Variants in MORN4 observed in about 807,000 individuals in gnomAD.
MORN4 encodes the protein MORN repeat containing 4.
A neutral mutation model predicts 16.4 loss-of-function variants in MORN4; 8 were observed. The ratio of observed to expected loss-of-function variants is 0.49; its 90% CI spans 0.29 to 0.88. MORN4 has a LOEUF of 0.88. MORN4 is among the 40% of genes least tolerant of loss of function. The probability of loss-of-function intolerance (pLI) is 0.09; values close to 1 mark genes in which losing one functional copy is unlikely to be tolerated. For synonymous variants in MORN4, 53 were observed against 68.9 expected (o/e 0.77, Z 1.14); for missense variants, 159 against 182.9 (o/e 0.87, Z 0.75).
chr10:97,623,635 T>C (rs944526222), intron 1 of MORN4, among the ~76,000 whole-genome samples: 7 of 152,060 alleles, frequency 4.6e-5, no homozygotes, highest in African/African-American at 1.7e-4. Flanking sequence ...CTTGAACTCC[T>C]AGGTTCAAGA....
intron 1 of MORN4, among the ~76,000 whole-genome samples, chr10:97,631,771 A>G (rs961451869): frequency 6.6e-6 from 1 of 152,042 alleles, no homozygotes; most frequent in African/African-American, 2.4e-5. Context: ...TCATCTCTAC[A>G]AAACAATACA....
In MORN4 at chr10:97,620,229, G is replaced by A. The variant is rs567120252; in HGVS notation, c.-30-546C>T. On this transcript the variant is annotated intron_variant, in intron 1 of 4. Transcript: ENST00000307450. ...AGGCCAGGGGCAGTGGCTCACGCCTGTAATCCCAACACTTTGGGAGGCCGA... is the reference window on the plus strand; with the variant it reads ...AGGCCAGGGGCAGTGGCTCACGCCTATAATCCCAACACTTTGGGAGGCCGA... Among the ~76,000 whole-genome samples, 17 of 152,116 alleles carry A rather than the reference G, an allele frequency of 1.1e-4. No homozygotes were observed. The South Asian group carries it at 2.5e-3, about 22-fold the overall frequency.
At chr10:97,622,947 C>T (rs1376933670) in intron 1 of MORN4, among the ~76,000 whole-genome samples, 1 of 151,242 alleles carries the variant, frequency 6.6e-6, no homozygotes, top group Non-Finnish European at 1.5e-5. Context: ...CACGGTGGCA[C>T]GATCATAGCT....
rs1477402842 is a variant in MORN4 at position 97,616,052 on chromosome 10, A to G, written c.*211T>C. On this transcript the variant is annotated 3_prime_UTR_variant, in exon 5 of 5. Transcript: ENST00000307450. ...CACATAAGGGTTAGGGAAAGACAGA[A>G]CCACCAATGACTGCTGCAGGGTCTG... is the stretch of plus-strand genomic sequence containing the variant. 2 of 434,396 alleles carry G rather than the reference A, an allele frequency of 4.6e-6. No individual in the cohort carries two copies. The highest frequency in any genetic ancestry group is 8.0e-6 in the Non-Finnish European group (2 of 248,788). The allele number at this position is 434,396 out of a possible 1,614,324, so 26.9% of individuals were successfully genotyped here.
At chr10:97,626,089 A>G (rs1380066860) in intron 1 of MORN4, among the ~76,000 whole-genome samples, 1 of 147,732 alleles carries the variant, frequency 6.8e-6, no homozygotes, top group African/African-American at 2.5e-5. Flanking sequence ...TTTTTTAAAG[A>G]GAACAAGCGG....
At chr10:97,620,447 C>G (rs948892057) in intron 1 of MORN4, among the ~76,000 whole-genome samples, 1 of 136,110 alleles carries the variant, frequency 7.3e-6, no homozygotes, top group African/African-American at 2.9e-5. Flanking sequence ...GAGATCACAC[C>G]ACTGTTACTC....
rs1199604043 is a variant in MORN4, at chr10:97,615,058, G to GAT, written c.*1203_*1204dup. ...TACTGTTTACATGAGTTTTTTTCTT[G>GAT]ATTGTCCCAAAAAGGGATCCTGTTC... On this transcript the variant is annotated 3_prime_UTR_variant, in exon 5 of 5. Transcript: ENST00000307450. 3 of 152,384 alleles carry GAT rather than the reference G, an allele frequency of 2.0e-5. No homozygotes were observed. Among genetic ancestry groups the GAT allele is most frequent in the Non-Finnish European group, 2.9e-5 (2 of 67,988 alleles). The allele number at this position is 152,384 out of a possible 1,614,324, so 9.4% of individuals were successfully genotyped here.
chr10:97,627,178 C>G (rs1219660148), intron 1 of MORN4, among the ~76,000 whole-genome samples: 1 of 152,010 alleles, frequency 6.6e-6, no homozygotes, highest in Non-Finnish European at 1.5e-5. Context: ...CACTCTCACT[C>G]TGTCACCCAG....
chr10:97,632,956 G>T (rs2041409691), intron 1 of MORN4, among the ~76,000 whole-genome samples: 1 of 152,046 alleles, frequency 6.6e-6, no homozygotes, highest in African/African-American at 2.4e-5. Flanking sequence ...TGAGATAAAG[G>T]CGGGCTCAGG....
At chr10:97,618,692 C>T (rs566181027) in intron 2 of MORN4, among the ~76,000 whole-genome samples, 50 of 152,126 alleles carry the variant, frequency 3.3e-4, no homozygotes, top group African/African-American at 1.1e-3. Context: ...AGAGAGTAAG[C>T]ACAGCCCTGT....
intron 1 of MORN4, among the ~76,000 whole-genome samples, chr10:97,620,488 CAAAAAAAAAAAAA>C (rs1210683127): frequency 2.4e-5 from 1 of 41,214 alleles, no homozygotes; most frequent in South Asian, 8.8e-4. Context: ...GACTCTGTCT[CAAAAAAAAAAAAA>C]AAAAAAGAAA....
At chr10:97,618,179 A>AAAATAAATAAAT (rs541560176) in intron 2 of MORN4, among the ~76,000 whole-genome samples, 1 of 151,876 alleles carries the variant, frequency 6.6e-6, no homozygotes, top group South Asian at 2.1e-4. Context: ...ACTCCATCTC[A>AAAATAAATAAAT]AAATAAATAA....
At chr10:97,633,793 C>A (rs1296877456), upstream of MORN4, among the ~76,000 whole-genome samples, 2 of 152,238 alleles carry the variant, frequency 1.3e-5, no homozygotes, top group Non-Finnish European at 2.9e-5. The surrounding 1 kb of genome is among the most constrained non-coding windows in gnomAD (Gnocchi z 4.5). Context: ...TTGCTCCAGT[C>A]CCCACTGCTG....
chr10:97,626,924 A>AT (rs1179242331), intron 1 of MORN4, among the ~76,000 whole-genome samples: 51 of 136,590 alleles, frequency 3.7e-4, no homozygotes, highest in African/African-American at 1.3e-3. Context: ...CGCCCAGCTA[A>AT]TTTTGTATTT....
rs1195116105 is a variant in MORN4, at chr10:97,615,204, A to T, written c.*1059T>A. ...CTCTTACCGAATCCTTCACGGGGACATAGGCAGGAATGAATACCAGTCTGA... is the reference window on the plus strand; with the variant it reads ...CTCTTACCGAATCCTTCACGGGGACTTAGGCAGGAATGAATACCAGTCTGA... On this transcript the variant is annotated 3_prime_UTR_variant, in exon 5 of 5. Transcript: ENST00000307450. 1 of 152,644 alleles carries T rather than the reference A, an allele frequency of 6.6e-6. No individual in the cohort carries two copies. The highest frequency in any genetic ancestry group is 1.5e-5 in the Non-Finnish European group (1 of 68,066). 9.5% of individuals were successfully genotyped at this position (152,644 alleles called of 1,614,324 possible).
intron 1 of MORN4, among the ~76,000 whole-genome samples, chr10:97,620,508 GAAAA>G (rs796870489): frequency 0.061 from 5,397 of 88,090 alleles, 480 homozygotes; most frequent in African/African-American, 0.21. Context: ...AAAAAAAAAA[GAAAA>G]AAAAAAGAAA....
intron 1 of MORN4, among the ~76,000 whole-genome samples, chr10:97,622,952 A>G (rs2135738534): frequency 6.6e-6 from 1 of 151,702 alleles, no homozygotes; most frequent in South Asian, 2.1e-4. Context: ...TGGCACGATC[A>G]TAGCTCACTG....
intron 4 of MORN4, 31 bp from the exon 5 acceptor site, chr10:97,616,442 G>A: frequency 6.4e-7 from 1 of 1,569,554 alleles, no homozygotes. Flanking sequence ...ATATGGGAGT[G>A]ACAATGGCAT....
intron 2 of MORN4, 21 bp from the exon 3 acceptor site, chr10:97,617,343 G>T (rs766741255): frequency 3.1e-6 from 5 of 1,605,922 alleles, no homozygotes; most frequent in Non-Finnish European, 4.3e-6. Flanking sequence ...AGAAGGATAG[G>T]TGTCAGGTTG....
Sources: allele counts gnomAD v4.1 joint callset (sites outside exome capture counted in the v4.1 genomes callset), GRCh38; gene constraint gnomAD v4.1.1; non-coding constraint Gnocchi (gnomAD v3.1); transcripts MANE v1.5; gene names NCBI Gene and HGNC (gene_info 2026-07-23, HGNC 2026-07-21).